INO80: variants seen among roughly 807,000 people sequenced by gnomAD.
The protein encoded by INO80 is chromatin-remodeling ATPase INO80.
A neutral mutation model predicts 203.4 loss-of-function variants in INO80; 20 were observed. The observed-to-expected ratio is 0.10, with a 90% CI of 0.07 to 0.14. The LOEUF (loss-of-function observed/expected upper bound fraction) is 0.14. INO80 is among the 10% of genes least tolerant of loss of function. The pLI is 1.00. For synonymous variants in INO80, 726 were observed against 685.2 expected (o/e 1.06, Z -0.93); for missense variants, 1,419 against 1,914.4 (o/e 0.74, Z 4.83).
At chr15:41,014,831 T>C (rs1238166611) in intron 27 of INO80, among the ~76,000 whole-genome samples, 2 of 152,234 alleles carry the variant, frequency 1.3e-5, no homozygotes, top group Admixed American at 1.3e-4. Flanking sequence ...CCCTCCTTAA[T>C]GCTAGCCTTC....
chr15:41,005,291 A>T, intron 28 of INO80: 1 of 217,198 alleles, frequency 4.6e-6, no homozygotes, highest in Non-Finnish European at 9.0e-6. Context: ...TTATCCATTG[A>T]GGAGGATCTT....
chr15:41,028,545 G>C (rs2044411542), intron 24 of INO80, among the ~76,000 whole-genome samples: 1 of 152,144 alleles, frequency 6.6e-6, no homozygotes, highest in South Asian at 2.1e-4. Context: ...TATCTCTTTA[G>C]TGCCTCTGAC....
Position 40,979,159 on chromosome 15 carries a change from G to A in INO80, c.*1064C>T, listed in dbSNP as rs548325133. 5 of 152,548 alleles carry A rather than the reference G, an allele frequency of 3.3e-5. No homozygotes were observed. Among genetic ancestry groups the A allele is most frequent in the Admixed American group, 6.5e-5 (1 of 15,272 alleles). 9.4% of individuals were successfully genotyped at this position (152,548 alleles called of 1,614,324 possible). On this transcript the variant is annotated 3_prime_UTR_variant, in exon 36 of 36. Coordinates refer to ENST00000648947, the MANE Select transcript of INO80 (RefSeq NM_017553.3). ...TCAATCTATCGAAACTCAATTCCGCGATTTTCAGGTGTGCAAATCAGAGGC... is the reference window on the plus strand; with the variant it reads ...TCAATCTATCGAAACTCAATTCCGCAATTTTCAGGTGTGCAAATCAGAGGC...
chr15:41,061,845 A>C (rs2045115789), intron 14 of INO80, among the ~76,000 whole-genome samples: 1 of 152,174 alleles, frequency 6.6e-6, no homozygotes, highest in South Asian at 2.1e-4. Flanking sequence ...AAAATTAGTG[A>C]ACTAGATGAC....
At position 41,005,752 on chromosome 15, in the gene INO80, G is replaced by C; in HGVS notation, c.3403-65C>G. On this transcript the variant is annotated intron_variant, in intron 27 of 35. Transcript: ENST00000648947. ...AATTACTGTATTCTGATTTCCACAG[G>C]CATCTACCCATCTTCTACCTTGTCC... 3.4e-6 allele frequency: 3 copies of C among 880,468 alleles called. 1 individual carries two copies. In the South Asian group the frequency reaches 4.4e-5, roughly 13 times the overall value. The allele number at this position is 880,468 out of a possible 1,614,324, so 54.5% of individuals were successfully genotyped here.
chr15:40,981,080 T>C (rs1336387243), intron 35 of INO80, among the ~76,000 whole-genome samples: 1 of 152,252 alleles, frequency 6.6e-6, no homozygotes, highest in Non-Finnish European at 1.5e-5. Flanking sequence ...TTACATGTGA[T>C]AACACATTGA....
At position 41,045,038 on chromosome 15, in the gene INO80, T is replaced by G. The variant is rs767882038; in HGVS notation, c.2773A>C (p.Arg925=). The part of the protein sequence containing the change: ...ALFLSLKASY[R]LHQLRSWGAP... ...CCCCAGGAGCGTAGCTGATGGAGCC[T>G]GTAGGAGGCTTTCAGAGACAGGAAA... Residue 925 remains arginine (R), a synonymous_variant, in exon 24 of 36, where the codon AGG becomes CGG. Transcript: ENST00000648947. 24 of 1,610,056 alleles carry G rather than the reference T, an allele frequency of 1.5e-5. No individual in the cohort carries two copies. Among genetic ancestry groups the G allele is most frequent in the Non-Finnish European group, 2.0e-5 (24 of 1,178,980 alleles).
At chr15:41,060,075 C>T (rs2045074757) in intron 14 of INO80, 149 bp from the exon 15 acceptor site, 1 of 600,604 alleles carries the variant, frequency 1.7e-6, no homozygotes, top group African/African-American at 1.9e-5. Context: ...ATGGTTTAAC[C>T]AACCCTGTTG....
At chr15:40,989,402 G>A (rs2140416688) in intron 29 of INO80, among the ~76,000 whole-genome samples, 1 of 152,274 alleles carries the variant, frequency 6.6e-6, no homozygotes, top group African/African-American at 2.4e-5. Context: ...CTCAACCCTT[G>A]AGGCTACCAT....
At chr15:41,006,368 T>A (rs887106376) in intron 27 of INO80, among the ~76,000 whole-genome samples, 3 of 152,118 alleles carry the variant, frequency 2.0e-5, no homozygotes, top group African/African-American at 7.2e-5. Flanking sequence ...TATTTCCTCT[T>A]TTGTTATCTC....
intron 2 of INO80, 110 bp from the exon 3 acceptor site, chr15:41,096,038 T>G: frequency 1.4e-6 from 2 of 1,417,990 alleles, no homozygotes; most frequent in Non-Finnish European, 1.9e-6. Context: ...TAAATTGACT[T>G]TTTTATTTGA....
intron 24 of INO80, among the ~76,000 whole-genome samples, chr15:41,033,361 C>T (rs2044519951): frequency 7.1e-6 from 1 of 140,358 alleles, no homozygotes; most frequent in Admixed American, 7.3e-5. Context: ...TTTTTGGAGA[C>T]ACAATCTCGT....
intron 24 of INO80, among the ~76,000 whole-genome samples, chr15:41,044,696 T>TAAA: frequency 6.6e-6 from 1 of 151,798 alleles, no homozygotes; most frequent in African/African-American, 2.4e-5. Flanking sequence ...CACAGTATTG[T>TAAA]AAAAAAAACA....
At position 41,106,220 on chromosome 15, in the gene INO80, T is replaced by C. The variant is rs574957243; in HGVS notation, c.-44+9753A>G. 9.2e-5 allele frequency among the ~76,000 whole-genome samples: 14 copies of C among 151,846 alleles called. No individual in the cohort carries two copies. In the East Asian group the frequency reaches 2.1e-3, roughly 23 times the overall value. Reference sequence around the variant, plus strand: ...GCAACATAGCGAAATCCTGTCTGCATGAAAAATACAAAAATTAGCCACACG... The same window carrying C: ...GCAACATAGCGAAATCCTGTCTGCACGAAAAATACAAAAATTAGCCACACG... On this transcript the variant is annotated intron_variant, in intron 1 of 35. Coordinates refer to ENST00000648947, the MANE Select transcript of INO80 (RefSeq NM_017553.3).
At chr15:41,082,224 T>G (rs1217806838) in intron 7 of INO80, among the ~76,000 whole-genome samples, 1 of 127,706 alleles carries the variant, frequency 7.8e-6, no homozygotes, top group Non-Finnish European at 1.6e-5. Context: ...CACTCCAGCC[T>G]GGGTGACAAG....
chr15:41,076,734 A>T (rs1235667614), intron 9 of INO80, among the ~76,000 whole-genome samples: 2 of 152,098 alleles, frequency 1.3e-5, no homozygotes, highest in Non-Finnish European at 2.9e-5. Flanking sequence ...AGAGTAAGAT[A>T]TCACTTTTTT....
intron 29 of INO80, among the ~76,000 whole-genome samples, chr15:40,995,166 G>A (rs1367743999): frequency 2.0e-5 from 3 of 152,218 alleles, no homozygotes; most frequent in Non-Finnish European, 4.4e-5. Context: ...TAGAAATGCA[G>A]ACTTTTGACT....
intron 5 of INO80, 42 bp downstream of exon 5, chr15:41,091,985 G>A (rs2045651505): frequency 6.5e-7 from 1 of 1,533,214 alleles, no homozygotes; most frequent in Admixed American, 1.7e-5. Context: ...ATAAAGCAGA[G>A]GGTGAATATT....
At chr15:41,076,859 T>C (rs1414067396) in intron 9 of INO80, among the ~76,000 whole-genome samples, 3 of 152,222 alleles carry the variant, frequency 2.0e-5, no homozygotes, top group Admixed American at 1.3e-4. Flanking sequence ...CCAAATTATA[T>C]GGAACACAGA....
Sources: gnomAD v4.1 joint callset for allele counts (sites outside exome capture counted in the v4.1 genomes callset) on GRCh38, gnomAD v4.1.1 for gene constraint, MANE v1.5 for transcripts, NCBI Gene and HGNC (gene_info 2026-07-23, HGNC 2026-07-21) for gene names.